Variants in RILPL1 observed in about 807,000 individuals in gnomAD.
RILPL1 encodes RILP-like protein 1.
Under a neutral mutation model 50.3 loss-of-function variants are expected in RILPL1, and 33 were observed. The ratio of observed to expected loss-of-function variants is 0.66; its 90% CI spans 0.50 to 0.88. The LOEUF (loss-of-function observed/expected upper bound fraction) is 0.88. RILPL1 is among the 40% of genes least tolerant of loss of function. RILPL1 has a pLI of 0.00. For synonymous variants in RILPL1, 205 were observed against 228.6 expected, an observed-to-expected ratio of 0.90 and a Z score of 0.93; for missense variants, 418 against 542.5, an observed-to-expected ratio of 0.77 and a Z score of 2.28.
At chr12:123,519,641 ACC>A (rs1884916609) in intron 2 of RILPL1, 1 of 152,328 alleles carries the variant, frequency 6.6e-6, no homozygotes, top group African/African-American at 2.4e-5. Flanking sequence ...TCTCCCAAGG[ACC>A]CTGTCTGTCC....
At chr12:123,521,130 A>G (rs1025064980) in intron 2 of RILPL1, among the ~76,000 whole-genome samples, 2 of 152,186 alleles carry the variant, frequency 1.3e-5, no homozygotes. Flanking sequence ...ACCCGTAGTA[A>G]TAAGAGCTAA....
chr12:123,499,136 G>A (rs928746258), intron 3 of RILPL1, among the ~76,000 whole-genome samples: 4 of 152,204 alleles, frequency 2.6e-5, no homozygotes, highest in African/African-American at 7.2e-5. Context: ...GGTGGGGCTG[G>A]AGGAGGCCTT....
intron 5 of RILPL1, chr12:123,484,699 G>A (rs1232756954): frequency 4.8e-6 from 1 of 206,230 alleles, no homozygotes; most frequent in Non-Finnish European, 9.6e-6. Context: ...CTGTTGCCCA[G>A]GCTCGAGTGC....
intron 2 of RILPL1, among the ~76,000 whole-genome samples, chr12:123,503,957 C>A (rs9697423): frequency 0.15 from 22,516 of 148,126 alleles, 1,789 homozygotes; most frequent in Non-Finnish European, 0.18. Context: ...GCCGAGATGG[C>A]GCCACTGCAC....
intron 2 of RILPL1, among the ~76,000 whole-genome samples, chr12:123,502,778 A>G (rs971378383): frequency 9.2e-5 from 14 of 152,268 alleles, no homozygotes; most frequent in African/African-American, 2.4e-4. Flanking sequence ...ATCCTAACAC[A>G]TCAGAAATTT....
intron 4 of RILPL1, among the ~76,000 whole-genome samples, chr12:123,488,801 C>A (rs997943994): frequency 6.6e-6 from 1 of 152,222 alleles, no homozygotes; most frequent in East Asian, 1.9e-4. Context: ...GCCGCCCTCG[C>A]AAGCTGTCTG....
chr12:123,485,867 A>C lies in RILPL1; in HGVS notation c.802-62T>G. 6.7e-7 allele frequency: 1 copy of C among 1,492,572 alleles called. No individual in the cohort carries two copies. The highest frequency in any genetic ancestry group is 2.4e-5 in the Admixed American group (1 of 42,010). 92.5% of individuals were successfully genotyped at this position (1,492,572 alleles called of 1,614,324 possible). On this transcript the variant is annotated intron_variant, in intron 4 of 6. Coordinates refer to ENST00000376874, the MANE Select transcript of RILPL1 (RefSeq NM_178314.5). This position sits in a 1 kb window ranked among gnomAD's most constrained non-coding sequence, Gnocchi z 4.0. ...CAGCCACTGCCAGCACCCACTCTCT[A>C]TCCTGAAGGAGCCCAAATTCTCCCC...
chr12:123,519,960 C>T (rs1377244250), intron 2 of RILPL1: 1 of 152,342 alleles, frequency 6.6e-6, no homozygotes, highest in African/African-American at 2.4e-5. Context: ...CATGCGTGCA[C>T]TGATGCACAG....
chr12:123,521,812 G>A (rs924992526), intron 2 of RILPL1, among the ~76,000 whole-genome samples: 15 of 149,020 alleles, frequency 1.0e-4, no homozygotes, highest in African/African-American at 2.2e-4. Context: ...TTGCTCTGTC[G>A]CCCAGGCTGG....
At chr12:123,529,887 A>AT (rs71088928) in intron 1 of RILPL1, among the ~76,000 whole-genome samples, 2 of 149,834 alleles carry the variant, frequency 1.3e-5, no homozygotes, top group African/African-American at 4.9e-5. Context: ...AAAAAAAAAA[A>AT]GGAGAAAAAA....
intron 4 of RILPL1, among the ~76,000 whole-genome samples, chr12:123,495,528 CCAT>C (rs2139333501): frequency 6.6e-6 from 1 of 150,870 alleles, no homozygotes; most frequent in African/African-American, 2.4e-5. Context: ...GTGTCCACCA[CCAT>C]GCCTGGATAA....
At chr12:123,523,879 A>G (rs1355574551) in intron 1 of RILPL1, among the ~76,000 whole-genome samples, 1 of 152,220 alleles carries the variant, frequency 6.6e-6, no homozygotes, top group Admixed American at 6.5e-5. Flanking sequence ...GCTCAGTTAG[A>G]ACTGCCCCCA....
intron 6 of RILPL1, among the ~76,000 whole-genome samples, chr12:123,478,854 G>T (rs943050792): frequency 6.6e-6 from 1 of 152,230 alleles, no homozygotes; most frequent in African/African-American, 2.4e-5. Flanking sequence ...GGTGTTCACT[G>T]GGGACGAGGC....
At chr12:123,512,995 G>A (rs1884458883) in intron 2 of RILPL1, among the ~76,000 whole-genome samples, 2 of 143,352 alleles carry the variant, frequency 1.4e-5, no homozygotes, top group African/African-American at 2.6e-5. Flanking sequence ...TGGTATGTGA[G>A]GTTTGTGTGT....
chr12:123,503,717 T>C (rs1268740241), intron 2 of RILPL1, among the ~76,000 whole-genome samples: 2 of 152,078 alleles, frequency 1.3e-5, no homozygotes, highest in East Asian at 3.9e-4. Flanking sequence ...CATCTCAAGA[T>C]CTGGCCGGGA....
intron 2 of RILPL1, among the ~76,000 whole-genome samples, chr12:123,520,648 C>T (rs1465806545): frequency 6.6e-6 from 1 of 152,202 alleles, no homozygotes; most frequent in African/African-American, 2.4e-5. Context: ...TCCTCCAGGC[C>T]CAGGCTTACT....
intron 1 of RILPL1, among the ~76,000 whole-genome samples, chr12:123,528,855 A>G (rs1885355181): frequency 6.6e-6 from 1 of 151,680 alleles, no homozygotes; most frequent in Non-Finnish European, 1.5e-5. Flanking sequence ...TGAGTTGACC[A>G]CTCAGAATCT....
intron 2 of RILPL1, among the ~76,000 whole-genome samples, chr12:123,500,564 CG>C (rs1883317928): frequency 6.6e-6 from 1 of 151,994 alleles, no homozygotes; most frequent in South Asian, 2.1e-4. Context: ...GGATTACAGG[CG>C]TGAGCCACCG....
intron 6 of RILPL1, among the ~76,000 whole-genome samples, chr12:123,477,936 G>A (rs1242622406): frequency 1.3e-5 from 2 of 149,756 alleles, no homozygotes; most frequent in South Asian, 2.1e-4. Context: ...ACCAATGCTC[G>A]GGGGCCTGGG....
Sources: gnomAD v4.1 joint callset for allele counts (sites outside exome capture counted in the v4.1 genomes callset) on GRCh38, gnomAD v4.1.1 for gene constraint, Gnocchi (gnomAD v3.1) non-coding constraint, MANE v1.5 for transcripts, NCBI Gene and HGNC (gene_info 2026-07-23, HGNC 2026-07-21) for gene names.